Variants in EPHA7 observed in about 807,000 individuals in gnomAD.
EPHA7 encodes ephrin type-A receptor 7.
EPHA7 carries 25 observed loss-of-function variants against 112.6 expected under a neutral mutation model. That is an observed-to-expected ratio of 0.22 (90% CI 0.16 to 0.31). EPHA7 has a LOEUF of 0.31. Ranked by LOEUF, EPHA7 falls within the 10% of genes least tolerant of loss-of-function variation. The pLI is 1.00. For missense variants in EPHA7, 962 were observed against 1,212.6 expected (o/e 0.79, Z 3.07); for synonymous variants, 437 against 406.5 (o/e 1.07, Z -0.90).
At chr6:93,331,178 TAA>T (rs1774573861) in intron 5 of EPHA7, among the ~76,000 whole-genome samples, 1 of 151,482 alleles carries the variant, frequency 6.6e-6, no homozygotes. Context: ...AACAAAAGTA[TAA>T]GTTACAATAT....
intron 5 of EPHA7, among the ~76,000 whole-genome samples, chr6:93,338,912 A>T (rs1226610789): frequency 6.7e-6 from 1 of 149,970 alleles, no homozygotes; most frequent in African/African-American, 2.4e-5. Flanking sequence ...TATATTATAT[A>T]TCTCTCCTTA....
At chr6:93,290,417 T>C (rs1582457858) in intron 5 of EPHA7, among the ~76,000 whole-genome samples, 1 of 152,270 alleles carries the variant, frequency 6.6e-6, no homozygotes, top group East Asian at 1.9e-4. Flanking sequence ...TTGTACAAGA[T>C]TGATAAGGTT....
chr6:93,388,584 A>C (rs1777748007), intron 3 of EPHA7, among the ~76,000 whole-genome samples: 1 of 152,138 alleles, frequency 6.6e-6, no homozygotes, highest in South Asian at 2.1e-4. Context: ...AATGGGGCAC[A>C]TTACAGTAAA....
intron 5 of EPHA7, among the ~76,000 whole-genome samples, chr6:93,349,531 A>G (rs1259841928): frequency 2.6e-5 from 4 of 151,904 alleles, no homozygotes; most frequent in Non-Finnish European, 5.9e-5. Context: ...TGTTTTAATA[A>G]CAATAACACT....
chr6:93,363,880 T>A (rs1776373195), intron 3 of EPHA7, among the ~76,000 whole-genome samples: 1 of 152,142 alleles, frequency 6.6e-6, no homozygotes, highest in Non-Finnish European at 1.5e-5. Flanking sequence ...AGGAGTTAAA[T>A]ACAGACACAT....
intron 14 of EPHA7, among the ~76,000 whole-genome samples, chr6:93,250,026 A>C (rs778079637): frequency 3.3e-5 from 5 of 152,210 alleles, no homozygotes; most frequent in Non-Finnish European, 5.9e-5. Flanking sequence ...CTCACTTCAA[A>C]GTGAAACTCC....
rs1377344556 is a variant in EPHA7, at chr6:93,369,503, T to TA, written c.833-11093dup. On this transcript the variant is annotated intron_variant, in intron 3 of 16. Coordinates refer to ENST00000369303, the MANE Select transcript of EPHA7 (RefSeq NM_004440.4). The stretch of plus-strand genomic sequence containing the variant: ...TACATATGTAAAGAATAACCCTATA[T>TA]AGTTTCATTCTTTTTAAAAGAGCAA... Among the ~76,000 whole-genome samples the TA allele has an allele frequency of 3.3e-5, 5 of 152,322 alleles. No homozygotes were observed. The South Asian group carries it at 6.2e-4, about 19-fold the overall frequency.
At chr6:93,368,682 T>TA (rs1467369635) in intron 3 of EPHA7, among the ~76,000 whole-genome samples, 2 of 152,170 alleles carry the variant, frequency 1.3e-5, no homozygotes, top group Non-Finnish European at 2.9e-5. Flanking sequence ...AATTTCATCT[T>TA]AATTTCCTAA....
At chr6:93,358,485 G>T in intron 3 of EPHA7, 74 bp from the exon 4 acceptor site, 1 of 1,291,462 alleles carries the variant, frequency 7.7e-7, no homozygotes, top group Non-Finnish European at 1.1e-6. Flanking sequence ...GTATTATTTA[G>T]CAAGGAATCA....
At position 93,281,030 on chromosome 6, in the gene EPHA7, G is replaced by A. The variant is rs1036924716; in HGVS notation, c.1325-8608C>T. On this transcript the variant is annotated intron_variant, in intron 5 of 16. Transcript: ENST00000369303. ...ATTGCTATTCTAAGGTGGGATACCAGCACTCTCCATAATAAATGCTGGCAA... is the reference window on the plus strand; with the variant it reads ...ATTGCTATTCTAAGGTGGGATACCAACACTCTCCATAATAAATGCTGGCAA... Among the ~76,000 whole-genome samples the A allele has an allele frequency of 1.1e-4, 17 of 152,044 alleles. 1 individual carries two copies. Among genetic ancestry groups the A allele is most frequent in the African/African-American group, 4.1e-4 (17 of 41,414 alleles).
chr6:93,307,494 T>C (rs1014861911), intron 5 of EPHA7, among the ~76,000 whole-genome samples: 2 of 152,154 alleles, frequency 1.3e-5, no homozygotes, highest in African/African-American at 4.8e-5. Context: ...ATCCCACTTT[T>C]TTCTTCCCAA....
chr6:93,410,586 G>A lies in EPHA7; in HGVS notation c.747C>T (p.His249=), dbSNP rs1469620212. 3.1e-6 allele frequency: 5 copies of A among 1,614,014 alleles called. No individual in the cohort carries two copies. Among genetic ancestry groups the A allele is most frequent in the Non-Finnish European group, 4.2e-6 (5 of 1,179,948 alleles). Reference sequence around the variant, plus strand: ...CTAACCATTCTCCTTCTGCACTGCAGTGCATCCTGGGGGCGTTTTCCGCTT... The same window carrying A: ...CTAACCATTCTCCTTCTGCACTGCAATGCATCCTGGGGGCGTTTTCCGCTT... ...EEEAENAPRM[H]CSAEGEWLVP... The change falls in exon 3 of 17, where the codon CAC becomes CAT. Residue 249 remains histidine, a synonymous_variant. Transcript: ENST00000369303. The surrounding 1 kb of genome is among the most constrained non-coding windows in gnomAD (Gnocchi z 4.0).
chr6:93,316,127 TATA>T (rs1773798165), intron 5 of EPHA7, among the ~76,000 whole-genome samples: 1 of 152,162 alleles, frequency 6.6e-6, no homozygotes, highest in South Asian at 2.1e-4. Flanking sequence ...CTGCTGTAGT[TATA>T]ATAATAACAG....
intron 5 of EPHA7, among the ~76,000 whole-genome samples, chr6:93,344,170 T>C (rs1274363205): frequency 6.6e-6 from 1 of 151,660 alleles, no homozygotes; most frequent in Non-Finnish European, 1.5e-5. Context: ...GTATTAGATG[T>C]GTATAAACAG....
chr6:93,305,688 C>A (rs1773220049), intron 5 of EPHA7, among the ~76,000 whole-genome samples: 2 of 151,830 alleles, frequency 1.3e-5, no homozygotes, highest in Admixed American at 1.3e-4. Flanking sequence ...GACTAAACTA[C>A]CTAGTAAATG....
intron 5 of EPHA7, among the ~76,000 whole-genome samples, chr6:93,307,449 G>A (rs1236723506): frequency 1.3e-5 from 2 of 152,038 alleles, no homozygotes; most frequent in East Asian, 3.9e-4. Flanking sequence ...ATCCTTTAAA[G>A]AATAGGTATT....
intron 5 of EPHA7, among the ~76,000 whole-genome samples, chr6:93,315,765 T>C (rs1309773993): frequency 6.6e-6 from 1 of 152,202 alleles, no homozygotes; most frequent in Admixed American, 6.5e-5. Context: ...TTTTGTCTTA[T>C]CAATTTCATG....
intron 5 of EPHA7, among the ~76,000 whole-genome samples, chr6:93,309,388 A>G (rs1773417139): frequency 6.6e-6 from 1 of 152,224 alleles, no homozygotes; most frequent in Admixed American, 6.5e-5. Context: ...ACCATATGAA[A>G]TGCTGATATG....
chr6:93,297,475 A>G (rs1772730958), intron 5 of EPHA7, among the ~76,000 whole-genome samples: 1 of 152,148 alleles, frequency 6.6e-6, no homozygotes, highest in African/African-American at 2.4e-5. Context: ...TCATAAGAAT[A>G]AGTTTTGGTG....
Sources: gnomAD v4.1 joint callset for allele counts (sites outside exome capture counted in the v4.1 genomes callset) on GRCh38, gnomAD v4.1.1 for gene constraint, Gnocchi (gnomAD v3.1) non-coding constraint, MANE v1.5 for transcripts, NCBI Gene and HGNC (gene_info 2026-07-23, HGNC 2026-07-21) for gene names.